Variants in SLC10A7 observed in about 807,000 individuals in gnomAD.
SLC10A7 encodes sodium/bile acid cotransporter 7.
Under a neutral mutation model 43.2 loss-of-function variants are expected in SLC10A7, and 29 were observed. The observed-to-expected ratio is 0.67, with a 90% confidence interval of 0.50 to 0.92. The LOEUF is 0.92. SLC10A7 is among the 40% of genes least tolerant of loss of function. The probability of loss-of-function intolerance (pLI) is 0.00; values close to 1 mark genes in which losing one functional copy is unlikely to be tolerated. For synonymous variants in SLC10A7, 152 were observed against 144.8 expected (o/e 1.05, Z -0.35); for missense variants, 295 against 403.2 (o/e 0.73, Z 2.30).
At chr4:146,294,234 T>C in intron 7 of SLC10A7, 139 bp from the exon 8 acceptor site, 1 of 584,840 alleles carries the variant, frequency 1.7e-6, no homozygotes, top group East Asian at 3.0e-5. Context: ...ATTTCAAAGC[T>C]TCCCTGCCAC....
chr4:146,472,299 C>A (rs928369956), intron 4 of SLC10A7, among the ~76,000 whole-genome samples: 1 of 152,082 alleles, frequency 6.6e-6, no homozygotes, highest in African/African-American at 2.4e-5. Flanking sequence ...AAAACAAACC[C>A]AGAAATTAAT....
intron 5 of SLC10A7, among the ~76,000 whole-genome samples, chr4:146,397,861 C>G (rs191231622): frequency 3.6e-4 from 55 of 152,216 alleles, no homozygotes; most frequent in African/African-American, 1.2e-3. Context: ...CAATACAAAA[C>G]AAGAGTGGAA....
At chr4:146,338,512 T>C (rs896910939) in intron 5 of SLC10A7, among the ~76,000 whole-genome samples, 1 of 152,004 alleles carries the variant, frequency 6.6e-6, no homozygotes, top group Admixed American at 6.6e-5. Context: ...ATATACTGGA[T>C]AGGAGTTCTT....
intron 5 of SLC10A7, among the ~76,000 whole-genome samples, chr4:146,400,090 C>G (rs569293691): frequency 1.3e-5 from 2 of 152,056 alleles, no homozygotes; most frequent in African/African-American, 4.8e-5. Flanking sequence ...GGGGAGCAGT[C>G]AGTGAAGTAG....
At chr4:146,404,866 T>C (rs1191678142) in intron 5 of SLC10A7, among the ~76,000 whole-genome samples, 4 of 152,202 alleles carry the variant, frequency 2.6e-5, no homozygotes, top group Admixed American at 6.5e-5. Context: ...TTTACTGATA[T>C]ACATTGCAGT....
At chr4:146,293,863 A>G in intron 8 of SLC10A7, 67 bp downstream of exon 8, 1 of 1,031,022 alleles carries the variant, frequency 9.7e-7, no homozygotes, top group Non-Finnish European at 1.4e-6. Context: ...TTTAGAGAAC[A>G]CACAGTGCTA....
At chr4:146,450,398 G>C (rs1279949167) in intron 4 of SLC10A7, among the ~76,000 whole-genome samples, 2 of 152,086 alleles carry the variant, frequency 1.3e-5, no homozygotes, top group Admixed American at 6.6e-5. Context: ...TCAGGGACTT[G>C]AACATCTGTA....
chr4:146,304,998 A>T (rs191969732), intron 7 of SLC10A7, among the ~76,000 whole-genome samples: 52 of 151,962 alleles, frequency 3.4e-4, no homozygotes, highest in African/African-American at 1.2e-3. Context: ...TAGTTCAACC[A>T]TTGTGGAAGT....
At chr4:146,293,547 A>G (rs1305949189) in intron 8 of SLC10A7, among the ~76,000 whole-genome samples, 1 of 152,236 alleles carries the variant, frequency 6.6e-6, no homozygotes, top group African/African-American at 2.4e-5. Flanking sequence ...ACTTAGAAAT[A>G]ATAGTATCAT....
chr4:146,263,162 C>T (rs1268928546), intron 10 of SLC10A7, among the ~76,000 whole-genome samples: 2 of 152,194 alleles, frequency 1.3e-5, no homozygotes, highest in Non-Finnish European at 2.9e-5. Flanking sequence ...TCCTTTAGCT[C>T]TCAGTTCTTA....
intron 5 of SLC10A7, among the ~76,000 whole-genome samples, chr4:146,328,182 A>G (rs1223449432): frequency 1.3e-5 from 2 of 151,626 alleles, no homozygotes; most frequent in Non-Finnish European, 2.9e-5. Flanking sequence ...CCACCTGCAC[A>G]GGTCGTCTGA....
intron 5 of SLC10A7, among the ~76,000 whole-genome samples, chr4:146,342,490 T>C (rs1178848615): frequency 6.6e-6 from 1 of 151,762 alleles, no homozygotes; most frequent in African/African-American, 2.4e-5. Context: ...AATAGTTCTA[T>C]TAGATCACAC....
intron 6 of SLC10A7, among the ~76,000 whole-genome samples, chr4:146,312,226 A>T (rs1732031641): frequency 6.6e-6 from 1 of 152,188 alleles, no homozygotes. Context: ...ATATAAAAAC[A>T]TTATATAAAA....
intron 5 of SLC10A7, among the ~76,000 whole-genome samples, chr4:146,421,627 CCT>C (rs1560892099): frequency 1.3e-5 from 2 of 152,186 alleles, no homozygotes; most frequent in East Asian, 3.9e-4. Context: ...AGTAAATGCC[CCT>C]CTTTTCACTT....
chr4:146,283,983 A>T (rs1381703158), intron 9 of SLC10A7, among the ~76,000 whole-genome samples: 1 of 144,018 alleles, frequency 6.9e-6, no homozygotes, highest in Non-Finnish European at 1.5e-5. Context: ...GTTAAACATT[A>T]AAAAAAACCT....
chr4:146,457,207 A>T (rs535108569), intron 4 of SLC10A7, among the ~76,000 whole-genome samples: 3 of 152,024 alleles, frequency 2.0e-5, no homozygotes, highest in African/African-American at 7.2e-5. Context: ...TTTTATCCAA[A>T]CATTAAAAAA....
intron 5 of SLC10A7, among the ~76,000 whole-genome samples, chr4:146,378,293 T>A (rs1737354956): frequency 6.6e-6 from 1 of 152,226 alleles, no homozygotes; most frequent in Non-Finnish European, 1.5e-5. Context: ...ATAATCTCTC[T>A]CTCTCTCTTC....
chr4:146,300,683 T>C (rs1013975053), intron 7 of SLC10A7, among the ~76,000 whole-genome samples: 1 of 152,206 alleles, frequency 6.6e-6, no homozygotes, highest in African/African-American at 2.4e-5. Context: ...ATCCAAAGAC[T>C]AAAGTCAAAG....
intron 7 of SLC10A7, among the ~76,000 whole-genome samples, chr4:146,300,911 G>A (rs1274396476): frequency 2.6e-5 from 4 of 151,942 alleles, no homozygotes. Flanking sequence ...ACTGCTGGGC[G>A]CTCCCTGAAG....
Sources: allele counts gnomAD v4.1 joint callset (sites outside exome capture counted in the v4.1 genomes callset), GRCh38; gene constraint gnomAD v4.1.1; transcripts MANE v1.5; gene names NCBI Gene and HGNC (gene_info 2026-07-23, HGNC 2026-07-21).